Variants in RASSF2 observed in about 807,000 individuals in gnomAD.
RASSF2 encodes the protein ras association domain-containing protein 2.
In RASSF2, 34 loss-of-function variants were observed where a neutral mutation model predicts 46.3. The observed-to-expected ratio is 0.73, with a 90% CI of 0.56 to 0.98. The LOEUF (loss-of-function observed/expected upper bound fraction) is 0.98, where lower values mean the gene tolerates loss of function less well. Among genes scored for constraint, RASSF2 ranks in the 50% least tolerant of loss-of-function variants. RASSF2 has a pLI of 0.00. For missense variants in RASSF2, 364 were observed against 431.2 expected (o/e 0.84, Z 1.38); for synonymous variants, 158 against 162.5 (o/e 0.97, Z 0.21).
chr20:4,809,470 C>T (rs1383447401), intron 2 of RASSF2, among the ~76,000 whole-genome samples: 1 of 152,130 alleles, frequency 6.6e-6, no homozygotes, highest in African/African-American at 2.4e-5. Context: ...TTCGGCCTGC[C>T]CTTCAGCACA....
At position 4,783,335 on chromosome 20, in the gene RASSF2, C is replaced by A. The variant is rs1925002238; in HGVS notation, c.*938G>T. The A allele has an allele frequency of 1.3e-5, 2 of 152,260 alleles. No homozygotes were observed. 9.4% of individuals were successfully genotyped at this position (152,260 alleles called of 1,614,324 possible). A position where few individuals can be genotyped will look rare whatever the true frequency, so the allele number is the denominator to read the frequency against. On this transcript the variant is annotated 3_prime_UTR_variant, in exon 12 of 12. Coordinates refer to ENST00000379400, the MANE Select transcript of RASSF2 (RefSeq NM_014737.3). ...CCTTCAACCTGAAACTTCCTGGCCA[C>A]CAGGCCACCAGGCCCTGGCCACACT...
chr20:4,789,042 C>T (rs564986551), intron 8 of RASSF2, among the ~76,000 whole-genome samples: 2 of 152,238 alleles, frequency 1.3e-5, no homozygotes, highest in African/African-American at 2.4e-5. Context: ...CACTGGCTTC[C>T]ATTAAAAATA....
intron 5 of RASSF2, chr20:4,792,939 A>G (rs769056578): frequency 2.6e-5 from 10 of 385,646 alleles, no homozygotes; most frequent in Middle Eastern, 7.3e-4. Context: ...ACCAAGGAAC[A>G]AAACCCACGT....
At chr20:4,796,649 CTAAT>C (rs781170463) in intron 4 of RASSF2, among the ~76,000 whole-genome samples, 14 of 152,192 alleles carry the variant, frequency 9.2e-5, no homozygotes, top group Non-Finnish European at 1.8e-4. Context: ...AGGTTGCTGA[CTAAT>C]TAGACATTAA....
At chr20:4,792,833 T>C (rs1048196876) in intron 5 of RASSF2, among the ~76,000 whole-genome samples, 1 of 152,104 alleles carries the variant, frequency 6.6e-6, no homozygotes, top group Non-Finnish European at 1.5e-5. Flanking sequence ...GGTCAAGCAG[T>C]GGGTGGGGCA....
intron 11 of RASSF2, 125 bp downstream of exon 11, chr20:4,786,106 C>T: frequency 1.3e-6 from 1 of 776,440 alleles, no homozygotes; most frequent in Non-Finnish European, 2.2e-6. Context: ...ATGGGCAGCC[C>T]TCCAAAGAAA....
rs1256879771 is a variant in RASSF2 at position 4,795,775 on chromosome 20, G to A, written c.287+40C>T. 2 of 1,581,120 alleles carry A rather than the reference G, an allele frequency of 1.3e-6. No homozygotes were observed. The highest frequency in any genetic ancestry group is 2.2e-5 in the South Asian group (2 of 88,932). The stretch of plus-strand genomic sequence containing the variant: ...GCTTGAGAACACATAGAACACCCAA[G>A]CATCCCAGTCATCTCCCTGCCCCGT... On this transcript the variant is annotated intron_variant, in intron 5 of 11. Coordinates refer to ENST00000379400, the MANE Select transcript of RASSF2 (RefSeq NM_014737.3). The surrounding 1 kb of genome is among the most constrained non-coding windows in gnomAD (Gnocchi z 4.0).
intron 3 of RASSF2, among the ~76,000 whole-genome samples, chr20:4,798,663 A>G (rs1010032263): frequency 2.0e-4 from 30 of 151,786 alleles, no homozygotes; most frequent in East Asian, 5.8e-4. Context: ...CATCTCTAAC[A>G]AAAATACAAA....
intron 2 of RASSF2, among the ~76,000 whole-genome samples, chr20:4,819,338 G>A (rs557763619): frequency 5.3e-5 from 8 of 152,260 alleles, no homozygotes; most frequent in South Asian, 4.1e-4. Flanking sequence ...AAAGTAGATC[G>A]TGAAACAAGA....
At chr20:4,803,495 C>T (rs945675976) in intron 2 of RASSF2, among the ~76,000 whole-genome samples, 2 of 152,098 alleles carry the variant, frequency 1.3e-5, no homozygotes, top group East Asian at 1.9e-4. Context: ...GGTTCATGCC[C>T]GTGACTGCAA....
chr20:4,790,604 C>T lies in RASSF2; in HGVS notation c.384G>A (p.Arg128=), dbSNP rs370756464. The T allele has an allele frequency of 3.3e-6, 5 of 1,520,146 alleles. No individual in the cohort carries two copies. Among genetic ancestry groups the T allele is most frequent in the African/African-American group, 1.5e-5 (1 of 68,420 alleles). The allele number at this position is 1,520,146 out of a possible 1,614,324, so 94.2% of individuals were successfully genotyped here. A position where few individuals can be genotyped will look rare whatever the true frequency, so the allele number is the denominator to read the frequency against. The change falls in exon 7 of 12, where the codon AGG becomes AGA. Residue 128 remains arginine (R), a synonymous_variant. Transcript: ENST00000379400. The surrounding 1 kb of genome is among the most constrained non-coding windows in gnomAD (Gnocchi z 4.3). ...GDQMPSSTDS[R]GLKPLQEDTP... is the part of the protein sequence containing the mutation. ...TGTCCTCCTGCAGGGGCTTCAGGCC[C>T]CTGGAGTCTGAGAGAGGAGAGGGAA...
chr20:4,818,341 C>T (rs1039596419), intron 2 of RASSF2, among the ~76,000 whole-genome samples: 1 of 152,012 alleles, frequency 6.6e-6, no homozygotes, highest in Admixed American at 6.6e-5. Context: ...TGAGGTTCAA[C>T]CGGTTTGGGG....
At chr20:4,784,659 G>A (rs1925146456) in intron 11 of RASSF2, among the ~76,000 whole-genome samples, 2 of 148,898 alleles carry the variant, frequency 1.3e-5, no homozygotes, top group East Asian at 3.9e-4. Context: ...TACGAATTCA[G>A]TGCGTTTGCT....
Position 4,787,683 on chromosome 20 carries a change from A to G in RASSF2, c.763T>C (p.Ser255Pro). 1.9e-6 allele frequency: 3 copies of G among 1,614,110 alleles called. No individual in the cohort carries two copies. The South Asian group carries it at 3.3e-5, about 18-fold the overall frequency. ...RILQGPCEQI[S>P]KVFLMEKDQV... is the part of the protein sequence containing the mutation. ...TCCTTCTCCATTAGGAACACTTTGG[A>G]GATCTGCTCACATGGGCCCTGGAGG... The change falls in exon 10 of 12, where the codon TCC (serine) becomes CCC (proline). Residue 255 changes from serine to proline, a missense_variant. By Grantham distance (74) the Ser-to-Pro change is moderately conservative (BLOSUM62 -1). Transcript: ENST00000379400.
At chr20:4,816,217 G>T (rs1490767262) in intron 2 of RASSF2, among the ~76,000 whole-genome samples, 1 of 152,070 alleles carries the variant, frequency 6.6e-6, no homozygotes, top group Admixed American at 6.5e-5. Flanking sequence ...GAGGTGGGAG[G>T]ATGACTTGAG....
intron 7 of RASSF2, 31 bp from the exon 8 acceptor site, chr20:4,789,728 G>C: frequency 6.3e-7 from 1 of 1,586,588 alleles, no homozygotes. Flanking sequence ...CTCAGGGTGG[G>C]AGTGGGAACA....
At chr20:4,821,045 A>C (rs1196413281) in intron 2 of RASSF2, among the ~76,000 whole-genome samples, 1 of 152,154 alleles carries the variant, frequency 6.6e-6, no homozygotes, top group Non-Finnish European at 1.5e-5. Context: ...GCACTTCTCC[A>C]GCTGACTCGC....
At chr20:4,786,429 A>G in intron 10 of RASSF2, 101 bp from the exon 11 acceptor site, 2 of 1,055,032 alleles carry the variant, frequency 1.9e-6, no homozygotes, top group Non-Finnish European at 2.9e-6. Flanking sequence ...TGGGAAGTCT[A>G]TTTTTTTCAG....
At chr20:4,787,856 A>AAAT in intron 9 of RASSF2, 102 bp from the exon 10 acceptor site, 1 of 1,400,728 alleles carries the variant, frequency 7.1e-7, no homozygotes. Context: ...GCCGCCATAT[A>AAAT]CGTCAGGAGA....
Sources: allele counts gnomAD v4.1 joint callset (sites outside exome capture counted in the v4.1 genomes callset), GRCh38; gene constraint gnomAD v4.1.1; non-coding constraint Gnocchi (gnomAD v3.1); transcripts MANE v1.5; gene names NCBI Gene and HGNC (gene_info 2026-07-23, HGNC 2026-07-21).